Variants in TRIM9 observed in about 807,000 individuals in gnomAD.
TRIM9 encodes tripartite motif containing 9.
TRIM9 carries 26 observed loss-of-function variants against 78.3 expected under a neutral mutation model. The ratio of observed to expected loss-of-function variants is 0.33; its 90% CI spans 0.24 to 0.46. The LOEUF (loss-of-function observed/expected upper bound fraction) is 0.46, where lower values mean the gene tolerates loss of function less well. Ranked by LOEUF, TRIM9 falls within the 20% of genes least tolerant of loss-of-function variation. The pLI is 1.00. For synonymous variants in TRIM9, 398 were observed against 416.5 expected (o/e 0.96, Z 0.54); for missense variants, 787 against 1,036.4 (o/e 0.76, Z 3.30).
At chr14:50,985,391 G>A (rs1017059761) in intron 8 of TRIM9, among the ~76,000 whole-genome samples, 3 of 152,212 alleles carry the variant, frequency 2.0e-5, no homozygotes, top group African/African-American at 7.2e-5. Flanking sequence ...GTGAGCACAG[G>A]CTTTTGCAGA....
intron 6 of TRIM9, among the ~76,000 whole-genome samples, chr14:50,999,323 G>T (rs1486386366): frequency 1.3e-5 from 2 of 151,968 alleles, no homozygotes; most frequent in Non-Finnish European, 2.9e-5. Flanking sequence ...AAAAGGCAAA[G>T]TCAGGAATGA....
intron 1 of TRIM9, among the ~76,000 whole-genome samples, chr14:51,067,853 TCTA>T (rs2061880933): frequency 6.9e-6 from 1 of 145,654 alleles, no homozygotes. Context: ...TACCTGAAAA[TCTA>T]CTGTTTATTT....
intron 1 of TRIM9, among the ~76,000 whole-genome samples, chr14:51,082,455 G>T (rs949313672): frequency 6.6e-6 from 1 of 152,190 alleles, no homozygotes; most frequent in Admixed American, 6.5e-5. Flanking sequence ...ATGTACTGAG[G>T]CATGCTACAA....
At chr14:51,001,519 G>A (rs1430220898) in intron 5 of TRIM9, among the ~76,000 whole-genome samples, 2 of 151,984 alleles carry the variant, frequency 1.3e-5, no homozygotes, top group East Asian at 1.9e-4. Flanking sequence ...GTGAGCCACC[G>A]CGCCCGGCCG....
At chr14:51,016,475 C>A (rs1356782534) in intron 3 of TRIM9, among the ~76,000 whole-genome samples, 2 of 137,588 alleles carry the variant, frequency 1.5e-5, no homozygotes, top group Non-Finnish European at 3.1e-5. Flanking sequence ...CCACCCCCTA[C>A]CCCCCTGCAG....
chr14:51,057,855 G>C (rs1000011370), intron 1 of TRIM9, among the ~76,000 whole-genome samples: 1 of 152,124 alleles, frequency 6.6e-6, no homozygotes, highest in Non-Finnish European at 1.5e-5. Flanking sequence ...GAGGTAAGTG[G>C]AAAAGATGTC....
intron 1 of TRIM9, among the ~76,000 whole-genome samples, chr14:51,073,887 T>C (rs574232326): frequency 6.6e-6 from 1 of 152,286 alleles, no homozygotes; most frequent in Non-Finnish European, 1.5e-5. Flanking sequence ...GTTCCTCCCA[T>C]AGGATATACA....
In TRIM9 at chr14:51,080,630, C is replaced by G. The variant is rs557359315; in HGVS notation, c.822+13488G>C. Reference sequence around the variant, plus strand: ...CTTTGCAGAGGGTTGAGCAAATGATCTTCAAGATCCAGTGTCCCAATTCTA... The same window carrying G: ...CTTTGCAGAGGGTTGAGCAAATGATGTTCAAGATCCAGTGTCCCAATTCTA... On this transcript the variant is annotated intron_variant, in intron 1 of 12. Coordinates refer to ENST00000684578, the MANE Select transcript of TRIM9 (RefSeq NM_001387360.1). Among the ~76,000 whole-genome samples, 28 of 152,284 alleles carry G rather than the reference C, an allele frequency of 1.8e-4. No individual in the cohort carries two copies. In the East Asian group the frequency reaches 5.2e-3, roughly 28 times the overall value.
intron 1 of TRIM9, among the ~76,000 whole-genome samples, chr14:51,089,575 T>TA (rs1423694244): frequency 1.3e-5 from 2 of 152,224 alleles, no homozygotes; most frequent in Non-Finnish European, 2.9e-5. Context: ...CTGGTAACAA[T>TA]ATCTTTATTG....
chr14:51,092,067 T>A (rs1228606047), intron 1 of TRIM9, among the ~76,000 whole-genome samples: 1 of 152,220 alleles, frequency 6.6e-6, no homozygotes, highest in Non-Finnish European at 1.5e-5. Context: ...GAGTGATTAA[T>A]TTTTTAGTTC....
At chr14:50,997,395 C>A in intron 7 of TRIM9, 2 of 985,296 alleles carry the variant, frequency 2.0e-6, no homozygotes, top group South Asian at 4.7e-5. Context: ...AAGGGACTGG[C>A]AAAGATGAAA....
chr14:51,025,256 C>T lies in TRIM9; in HGVS notation c.918+9G>A. ...GCGGGTTTCCTTGCGTCCCAGGTAACACCCATACCTGGATCTGCTGGACCA... is the reference window on the plus strand; with the variant it reads ...GCGGGTTTCCTTGCGTCCCAGGTAATACCCATACCTGGATCTGCTGGACCA... On this transcript the variant is annotated intron_variant, in intron 2 of 12. Coordinates refer to ENST00000684578, the MANE Select transcript of TRIM9 (RefSeq NM_001387360.1). 1 of 1,612,574 alleles carries T rather than the reference C, an allele frequency of 6.2e-7. No individual in the cohort carries two copies. The highest frequency in any genetic ancestry group is 8.5e-7 in the Non-Finnish European group (1 of 1,178,636).
intron 12 of TRIM9, chr14:50,979,138 C>A: frequency 2.1e-6 from 3 of 1,404,542 alleles, no homozygotes; most frequent in Non-Finnish European, 2.8e-6. Context: ...ATTAGCCAAC[C>A]ATGAAGAGAA....
chr14:51,068,950 G>A (rs1422287603), intron 1 of TRIM9, among the ~76,000 whole-genome samples: 1 of 152,178 alleles, frequency 6.6e-6, no homozygotes, highest in African/African-American at 2.4e-5. Context: ...TTTTTAAAAA[G>A]TGTCTTGAAA....
intron 12 of TRIM9, 173 bp downstream of exon 12, chr14:50,979,214 G>A (rs1350696708): frequency 4.8e-6 from 7 of 1,462,606 alleles, no homozygotes; most frequent in Middle Eastern, 2.4e-4. Context: ...TATGCTTGGC[G>A]TGGAATAAAA....
chr14:51,061,737 T>C (rs1346777876), intron 1 of TRIM9, among the ~76,000 whole-genome samples: 6 of 152,226 alleles, frequency 3.9e-5, no homozygotes, highest in Admixed American at 2.6e-4. Flanking sequence ...TTATTATGTA[T>C]TCATTTATTT....
chr14:51,053,724 T>C (rs890865167), intron 1 of TRIM9, among the ~76,000 whole-genome samples: 3 of 149,392 alleles, frequency 2.0e-5, no homozygotes, highest in Non-Finnish European at 4.4e-5. Context: ...ATTAGGTATA[T>C]CTCCCAATGC....
rs1403719169 is a variant in TRIM9 at position 50,996,034 on chromosome 14, T to C, written c.1603+2016A>G. ...TCTTGTCTCACTGAATGTATTAGAATGAGGGAGAAACAAATAGAACAAACC... is the reference window on the plus strand; with the variant it reads ...TCTTGTCTCACTGAATGTATTAGAACGAGGGAGAAACAAATAGAACAAACC... On this transcript the variant is annotated intron_variant, in intron 7 of 12. Transcript: ENST00000684578. The C allele has an allele frequency of 8.6e-6, 8 of 933,284 alleles. No homozygotes were observed. In the Admixed American group the frequency reaches 4.3e-4, roughly 50 times the overall value. 57.8% of individuals were successfully genotyped at this position (933,284 alleles called of 1,614,324 possible).
chr14:51,056,983 A>T (rs1245085923), intron 1 of TRIM9, among the ~76,000 whole-genome samples: 2 of 152,250 alleles, frequency 1.3e-5, no homozygotes, highest in Non-Finnish European at 2.9e-5. Flanking sequence ...GCTTCTGCCC[A>T]TCAGAAAAAA....
Sources: allele counts gnomAD v4.1 joint callset (sites outside exome capture counted in the v4.1 genomes callset), GRCh38; gene constraint gnomAD v4.1.1; transcripts MANE v1.5; gene names NCBI Gene and HGNC (gene_info 2026-07-23, HGNC 2026-07-21).